Variants in CCDC85A observed in about 807,000 individuals in gnomAD.
The protein encoded by CCDC85A is coiled-coil domain containing 85A.
A neutral mutation model predicts 50.2 loss-of-function variants in CCDC85A; 38 were observed. That is an observed-to-expected ratio of 0.76 (90% CI 0.58 to 0.99). The LOEUF (loss-of-function observed/expected upper bound fraction) is 0.99, where lower values mean the gene tolerates loss of function less well. Ranked by LOEUF, CCDC85A falls within the 50% of genes least tolerant of loss-of-function variation. The probability of loss-of-function intolerance (pLI) is 0.00; values close to 1 mark genes in which losing one functional copy is unlikely to be tolerated. For synonymous variants in CCDC85A, 366 were observed against 301.4 expected (o/e 1.21, Z -2.22); for missense variants, 820 against 742.0 (o/e 1.11, Z -1.22).
rs80014966 is a variant in CCDC85A, at chr2:56,256,203, A to C, written c.1240+62763A>C. Among the ~76,000 whole-genome samples the C allele has an allele frequency of 1.2e-3, 186 of 152,348 alleles. 1 individual carries two copies. In the East Asian group the frequency reaches 0.034, roughly 27 times the overall value. ...GGGCTATTGTTGGAAAATTAAAAAC[A>C]ATAGTAAATGTTGCATTTTCTGGAA... On this transcript the variant is annotated intron_variant, in intron 2 of 5. Coordinates refer to ENST00000407595, the MANE Select transcript of CCDC85A (RefSeq NM_001080433.2).
chr2:56,210,439 A>G (rs909045462), intron 2 of CCDC85A, among the ~76,000 whole-genome samples: 4 of 152,158 alleles, frequency 2.6e-5, no homozygotes, highest in Admixed American at 2.6e-4. Flanking sequence ...GTGACAAACC[A>G]CCTCAACACT....
At chr2:56,262,309 G>A (rs1670252734) in intron 2 of CCDC85A, among the ~76,000 whole-genome samples, 1 of 152,032 alleles carries the variant, frequency 6.6e-6, no homozygotes, top group Admixed American at 6.5e-5. Context: ...ATGAATAGGA[G>A]TGCATCAGAT....
At chr2:56,297,252 T>G (rs1474745488) in intron 2 of CCDC85A, among the ~76,000 whole-genome samples, 1 of 152,152 alleles carries the variant, frequency 6.6e-6, no homozygotes, top group Non-Finnish European at 1.5e-5. Context: ...AAATGGATTC[T>G]TACTGGTATG....
In CCDC85A at chr2:56,385,454, T is replaced by C. The variant is rs1676780606; in HGVS notation, c.*1099T>C. The C allele has an allele frequency of 6.6e-6, 1 of 152,234 alleles. No homozygotes were observed. The highest frequency in any genetic ancestry group is 1.5e-5 in the Non-Finnish European group (1 of 67,826). 9.4% of individuals were successfully genotyped at this position (152,234 alleles called of 1,614,324 possible). On this transcript the variant is annotated 3_prime_UTR_variant, in exon 6 of 6. Transcript: ENST00000407595. ...TATTTTTGGTATACATATACATATA[T>C]ATAACATTAGAATGTGTGTACTGGA... is the stretch of plus-strand genomic sequence containing the variant.
At chr2:56,335,934 C>T (rs1045702429) in intron 2 of CCDC85A, among the ~76,000 whole-genome samples, 2 of 152,076 alleles carry the variant, frequency 1.3e-5, no homozygotes, top group Non-Finnish European at 2.9e-5. Flanking sequence ...CCAATCCCAC[C>T]CATGAGGGTG....
intron 2 of CCDC85A, among the ~76,000 whole-genome samples, chr2:56,333,989 C>G (rs958832374): frequency 5.3e-5 from 8 of 152,140 alleles, no homozygotes; most frequent in African/African-American, 1.9e-4. Flanking sequence ...CTGAGCACCA[C>G]CTTTCTTTCT....
chr2:56,243,028 TG>T (rs1226896409), intron 2 of CCDC85A, among the ~76,000 whole-genome samples: 1 of 152,148 alleles, frequency 6.6e-6, no homozygotes, highest in Non-Finnish European at 1.5e-5. Context: ...CTTTCTGTGT[TG>T]TTTTTTTTTC....
chr2:56,207,290 G>A (rs1233452406), intron 2 of CCDC85A, among the ~76,000 whole-genome samples: 1 of 152,124 alleles, frequency 6.6e-6, no homozygotes, highest in East Asian at 1.9e-4. Flanking sequence ...GAGTGCATAG[G>A]GAAGAGTAGG....
At chr2:56,297,047 T>C (rs996652603) in intron 2 of CCDC85A, among the ~76,000 whole-genome samples, 1 of 152,210 alleles carries the variant, frequency 6.6e-6, no homozygotes. Flanking sequence ...TTCTGAGTTC[T>C]GAAAAATGAA....
intron 2 of CCDC85A, among the ~76,000 whole-genome samples, chr2:56,214,159 A>C (rs1322116163): frequency 6.6e-6 from 1 of 151,974 alleles, no homozygotes; most frequent in African/African-American, 2.4e-5. Context: ...GGGGCCAGAC[A>C]AGGTTTGAAT....
intron 2 of CCDC85A, among the ~76,000 whole-genome samples, chr2:56,332,227 A>AC (rs765337559): frequency 2.4e-4 from 36 of 150,764 alleles, no homozygotes; most frequent in Admixed American, 1.3e-3. Flanking sequence ...TATTGTGTAG[A>AC]CCCCCCCACA....
chr2:56,373,558 G>T (rs1676188064), intron 4 of CCDC85A, among the ~76,000 whole-genome samples: 1 of 152,056 alleles, frequency 6.6e-6, no homozygotes, highest in Non-Finnish European at 1.5e-5. Context: ...GCAAAAGGAT[G>T]GTATTATTGA....
intron 2 of CCDC85A, among the ~76,000 whole-genome samples, chr2:56,331,476 T>C (rs1253161287): frequency 1.3e-5 from 2 of 152,172 alleles, no homozygotes; most frequent in Non-Finnish European, 2.9e-5. Context: ...AGCTCAGACT[T>C]TAGCACTCTG....
intron 2 of CCDC85A, among the ~76,000 whole-genome samples, chr2:56,284,433 C>T (rs1057239443): frequency 3.9e-5 from 6 of 152,108 alleles, no homozygotes; most frequent in East Asian, 1.9e-4. Flanking sequence ...AGTGCAGTGG[C>T]GTGATCTAGG....
intron 2 of CCDC85A, among the ~76,000 whole-genome samples, chr2:56,329,286 A>G (rs1673638418): frequency 6.6e-6 from 1 of 152,162 alleles, no homozygotes; most frequent in African/African-American, 2.4e-5. Context: ...GATGATGTAG[A>G]TCTAAGCTAA....
intron 2 of CCDC85A, among the ~76,000 whole-genome samples, chr2:56,335,543 G>A (rs1228931870): frequency 1.3e-5 from 2 of 151,976 alleles, no homozygotes; most frequent in African/African-American, 4.8e-5. Context: ...ATTCAGTAAG[G>A]GCCTTCTTGG....
chr2:56,292,994 C>A (rs1230661708), intron 2 of CCDC85A, among the ~76,000 whole-genome samples: 3 of 152,188 alleles, frequency 2.0e-5, no homozygotes, highest in Non-Finnish European at 4.4e-5. Context: ...TTTTCCATGT[C>A]ATGGCACACA....
At chr2:56,329,945 G>GTTTTTTTTTTTTTTTTTTATTTTTTTTTT (rs1673688721) in intron 2 of CCDC85A, among the ~76,000 whole-genome samples, 1 of 44,118 alleles carries the variant, frequency 2.3e-5, no homozygotes, top group Non-Finnish European at 4.8e-5. Context: ...CAGATTTCCT[G>GTTTTTTTTTTTTTTTTTTATTTTTTTTTT]TTTTTTTTTT....
At chr2:56,320,597 T>C (rs536656418) in intron 2 of CCDC85A, among the ~76,000 whole-genome samples, 88 of 152,156 alleles carry the variant, frequency 5.8e-4, no homozygotes, top group African/African-American at 2.1e-3. Flanking sequence ...CAGGAAGAAG[T>C]TGAATCCCTG....
Sources: gnomAD v4.1 joint callset for allele counts (sites outside exome capture counted in the v4.1 genomes callset) on GRCh38, gnomAD v4.1.1 for gene constraint, MANE v1.5 for transcripts, NCBI Gene and HGNC (gene_info 2026-07-23, HGNC 2026-07-21) for gene names.